LAMA4: variants seen among roughly 807,000 people sequenced by gnomAD.
LAMA4 encodes the protein laminin subunit alpha-4.
A neutral mutation model predicts 207.1 loss-of-function variants in LAMA4; 127 were observed. The ratio of observed to expected loss-of-function variants is 0.61; its 90% confidence interval spans 0.53 to 0.71. The LOEUF (loss-of-function observed/expected upper bound fraction) is 0.71. LAMA4 is among the 30% of genes least tolerant of loss of function. The probability of loss-of-function intolerance (pLI) is 0.00; values close to 1 mark genes in which losing one functional copy is unlikely to be tolerated. For missense variants in LAMA4, 2,093 were observed against 2,246.5 expected, an observed-to-expected ratio of 0.93 and a Z score of 1.38; for synonymous variants, 761 against 816.0, an observed-to-expected ratio of 0.93 and a Z score of 1.15.
Position 112,117,353 on chromosome 6 carries a change from AG to A in LAMA4, c.4981+385del, listed in dbSNP as rs1778080946. On this transcript the variant is annotated intron_variant, in intron 35 of 38. Coordinates refer to ENST00000230538, the MANE Select transcript of LAMA4 (RefSeq NM_001105206.3). This position sits in a 1 kb window ranked among gnomAD's most constrained non-coding sequence, Gnocchi z 4.5. ...GATAACGTTGTCTGCTGGTGTTGCA[AG>A]TCATGGGGAGAAAGTGGGACTTCCT... is the stretch of plus-strand genomic sequence containing the variant. Among the ~76,000 whole-genome samples the A allele has an allele frequency of 6.6e-6, 1 of 152,200 alleles. No homozygotes were observed. The highest frequency in any genetic ancestry group is 1.5e-5 in the Non-Finnish European group (1 of 68,032).
At chr6:112,205,436 C>A (rs75628159) in intron 4 of LAMA4, among the ~76,000 whole-genome samples, 2 of 151,768 alleles carry the variant, frequency 1.3e-5, no homozygotes, top group African/African-American at 4.8e-5. Context: ...TGAACCCAGG[C>A]TTCTTGACTT....
chr6:112,148,018 C>G, intron 18 of LAMA4, 139 bp downstream of exon 18: 2 of 755,596 alleles, frequency 2.6e-6, no homozygotes, highest in South Asian at 3.2e-5. Flanking sequence ...AGTGCAAAAG[C>G]TTTTCTTTTT....
chr6:112,209,334 T>A (rs1784238772), intron 3 of LAMA4, among the ~76,000 whole-genome samples: 1 of 152,208 alleles, frequency 6.6e-6, no homozygotes, highest in Non-Finnish European at 1.5e-5. Context: ...TCTGTCCCCT[T>A]ATGGCTCGAT....
intron 2 of LAMA4, among the ~76,000 whole-genome samples, chr6:112,225,330 T>C (rs1785152575): frequency 6.6e-6 from 1 of 152,228 alleles, no homozygotes; most frequent in South Asian, 2.1e-4. Context: ...TTATATTATG[T>C]CTCAGTTAAA....
chr6:112,234,326 T>C (rs1348842576), intron 2 of LAMA4: 1 of 152,168 alleles, frequency 6.6e-6, no homozygotes, highest in Non-Finnish European at 1.5e-5. Context: ...CACCTGGTTT[T>C]TCAATACTCT....
Position 112,129,019 on chromosome 6 carries a change from G to A in LAMA4, c.4190C>T (p.Thr1397Ile). ...CTCAATGGGACACTCATAAAGAGAA[G>A]TGTGGACCTTTTCAGTATACCGTTG... ...DFQRYTEKVHTSLYECPIESS... is the reference protein window; with the variant it reads ...DFQRYTEKVHISLYECPIESS... The change falls in exon 31 of 39, where the codon ACT (threonine) becomes ATT (isoleucine). Residue 1397 changes from threonine to isoleucine, a missense_variant. Transcript: ENST00000230538. 1.2e-6 allele frequency: 2 copies of A among 1,612,954 alleles called. No homozygotes were observed. The highest frequency in any genetic ancestry group is 1.7e-6 in the Non-Finnish European group (2 of 1,179,038).
chr6:112,151,059 C>T lies in LAMA4; in HGVS notation c.2057-432G>A, dbSNP rs545546392. Among the ~76,000 whole-genome samples the T allele has an allele frequency of 6.1e-5, 9 of 148,684 alleles. No homozygotes were observed. The South Asian group carries it at 1.5e-3, about 24-fold the overall frequency. On this transcript the variant is annotated intron_variant, in intron 16 of 38. Transcript: ENST00000230538. ...ATAACATACATCTAGAAAAAGGCAC[C>T]CTTTATAAATGCACAGCTTGACAAA...
intron 26 of LAMA4, among the ~76,000 whole-genome samples, chr6:112,133,750 G>T (rs1227591217): frequency 2.0e-5 from 3 of 152,148 alleles, no homozygotes; most frequent in African/African-American, 4.8e-5. Context: ...TAACAATTCA[G>T]TGAAATAGAT....
intron 17 of LAMA4, among the ~76,000 whole-genome samples, chr6:112,148,707 A>T (rs1401737945): frequency 6.6e-6 from 1 of 151,648 alleles, no homozygotes; most frequent in Admixed American, 6.6e-5. Flanking sequence ...AAAGAAAGAT[A>T]TTTTTTTAAT....
chr6:112,147,356 T>A (rs1424918893), intron 18 of LAMA4, among the ~76,000 whole-genome samples: 1 of 152,212 alleles, frequency 6.6e-6, no homozygotes, highest in Non-Finnish European at 1.5e-5. Flanking sequence ...GAATGGGTAT[T>A]TGTAAATTGG....
intron 2 of LAMA4, among the ~76,000 whole-genome samples, chr6:112,241,148 T>TAG: frequency 2.0e-5 from 2 of 99,654 alleles, no homozygotes; most frequent in South Asian, 6.1e-4. Context: ...AATATATATA[T>TAG]GAATATATAT....
intron 38 of LAMA4, among the ~76,000 whole-genome samples, chr6:112,113,494 C>T (rs2114549566): frequency 6.6e-6 from 1 of 152,290 alleles, no homozygotes; most frequent in East Asian, 1.9e-4. Flanking sequence ...TGTGTGTTGT[C>T]CATAAGTGTC....
At position 112,115,989 on chromosome 6, in the gene LAMA4, T is replaced by G. The variant is rs1321616836; in HGVS notation, c.4986A>C (p.Glu1662Asp). ...CAAACTTCAATCCAATATTGAAAGA[T>G]TCATCTGTGGAGAGAAACACTATAA... The part of the protein sequence containing the change: ...STEGGYVVLD[E>D]SFNIGLKFEI... Residue 1662 changes from glutamate to aspartate, a missense_variant, in exon 36 of 39, where the codon GAA (glutamate) becomes GAC (aspartate). This residue lies in a region of LAMA4 where 383 missense variants were observed against 437.8 expected (regional missense o/e 0.87). Transcript: ENST00000230538. 2.5e-6 allele frequency: 4 copies of G among 1,612,662 alleles called. No homozygotes were observed. Among genetic ancestry groups the G allele is most frequent in the Non-Finnish European group, 3.4e-6 (4 of 1,179,076 alleles).
intron 19 of LAMA4, among the ~76,000 whole-genome samples, chr6:112,143,454 T>A (rs1213362496): frequency 2.6e-5 from 4 of 152,092 alleles, no homozygotes; most frequent in Admixed American, 6.5e-5. Context: ...CCAGCCAATT[T>A]TTGTATTTTG....
At position 112,141,462 on chromosome 6, in the gene LAMA4, A is replaced by T. The variant is rs782770703; in HGVS notation, c.2709T>A (p.Asn903Lys). The T allele has an allele frequency of 1.9e-6, 3 of 1,611,412 alleles. No individual in the cohort carries two copies. Among genetic ancestry groups the T allele is most frequent in the Non-Finnish European group, 2.5e-6 (3 of 1,177,624 alleles). The change falls in exon 21 of 39, where the codon AAT becomes AAA. Residue 903 changes from asparagine to lysine, a missense_variant. Asn to Lys is a moderately conservative substitution (Grantham distance 94, BLOSUM62 0). Around this residue, in one of 3 missense-constraint regions of LAMA4, gnomAD observed 1,704 missense variants for 1,788.4 expected, o/e 0.95. Coordinates refer to ENST00000230538, the MANE Select transcript of LAMA4 (RefSeq NM_001105206.3). ...EYMGLAIKND[N>K]LVYVYNLGTK... ...TTCCCAAATTATAGACGTATACCAG[A>T]TTATCATTTTTGATTGCAAGACCCA...
intron 19 of LAMA4, among the ~76,000 whole-genome samples, chr6:112,143,086 T>C (rs1433097192): frequency 6.6e-6 from 1 of 152,142 alleles, no homozygotes; most frequent in Admixed American, 6.6e-5. Context: ...GATTCAGGGA[T>C]AATTTTTAGA....
chr6:112,215,340 G>A lies in LAMA4; in HGVS notation c.297+1028C>T, dbSNP rs117887057. Among the ~76,000 whole-genome samples the A allele has an allele frequency of 9.0e-4, 137 of 152,224 alleles. No individual in the cohort carries two copies. The East Asian group carries it at 0.026, about 29-fold the overall frequency. On this transcript the variant is annotated intron_variant, in intron 3 of 38. Coordinates refer to ENST00000230538, the MANE Select transcript of LAMA4 (RefSeq NM_001105206.3). Reference sequence around the variant, plus strand: ...TCCCTAGAAAAATGGCAACTTCTAGGGTTAAAGATCAATAAAAACATTTGC... The same window carrying A: ...TCCCTAGAAAAATGGCAACTTCTAGAGTTAAAGATCAATAAAAACATTTGC...
chr6:112,130,595 A>G (rs2114644535), intron 29 of LAMA4, among the ~76,000 whole-genome samples: 1 of 152,208 alleles, frequency 6.6e-6, no homozygotes, highest in African/African-American at 2.4e-5. Flanking sequence ...AAAATGCCAT[A>G]AATGTTGCAT....
At chr6:112,177,313 A>T (rs534133484) in intron 10 of LAMA4, among the ~76,000 whole-genome samples, 44 of 152,142 alleles carry the variant, frequency 2.9e-4, no homozygotes, top group Non-Finnish European at 5.4e-4. Flanking sequence ...TGAATCTTCC[A>T]CTGTGGGTCC....
Sources: gnomAD v4.1 joint callset for allele counts (sites outside exome capture counted in the v4.1 genomes callset) on GRCh38, gnomAD v4.1.1 for gene constraint, gnomAD v4.1.1 regional missense constraint, Gnocchi (gnomAD v3.1) non-coding constraint, MANE v1.5 for transcripts, NCBI Gene and HGNC (gene_info 2026-07-23, HGNC 2026-07-21) for gene names.